Variants in ATP8B4 observed in about 807,000 individuals in gnomAD.
The protein encoded by ATP8B4 is ATPase phospholipid transporting 8B4 (putative), also known as probable phospholipid-transporting ATPase IM.
ATP8B4 carries 133 observed loss-of-function variants against 145.6 expected under a neutral mutation model. That is an observed-to-expected ratio of 0.91 (90% confidence interval 0.79 to 1.05). The LOEUF is 1.05. ATP8B4 is among the 50% of genes least tolerant of loss of function. ATP8B4 has a pLI of 0.00. For synonymous variants in ATP8B4, 507 were observed against 492.9 expected (o/e 1.03, Z -0.38); for missense variants, 1,458 against 1,425.2 (o/e 1.02, Z -0.37).
chr15:50,128,620 T>TA (rs1412684785), intron 1 of ATP8B4, among the ~76,000 whole-genome samples: 2 of 152,020 alleles, frequency 1.3e-5, no homozygotes, highest in Non-Finnish European at 2.9e-5. Context: ...CCAAAGGCCC[T>TA]AAAAAAGACT....
chr15:50,048,666 C>G (rs971677899), intron 3 of ATP8B4, among the ~76,000 whole-genome samples: 1 of 151,410 alleles, frequency 6.6e-6, no homozygotes, highest in African/African-American at 2.4e-5. Flanking sequence ...CGGAATTGCA[C>G]CACTGCACTC....
chr15:50,046,286 T>C (rs1289614360), intron 4 of ATP8B4, among the ~76,000 whole-genome samples: 2 of 151,792 alleles, frequency 1.3e-5, no homozygotes, highest in African/African-American at 4.8e-5. Context: ...TTTCTCTCTC[T>C]CCCCCTCCCC....
chr15:50,024,984 TCTC>T (rs2049894480), intron 6 of ATP8B4, among the ~76,000 whole-genome samples: 1 of 152,126 alleles, frequency 6.6e-6, no homozygotes, highest in Admixed American at 6.6e-5. Flanking sequence ...TATGAATACT[TCTC>T]CTTGCCCCAT....
intron 1 of ATP8B4, among the ~76,000 whole-genome samples, chr15:50,170,038 T>A (rs992812733): frequency 1.3e-5 from 2 of 152,046 alleles, no homozygotes; most frequent in African/African-American, 2.4e-5. Flanking sequence ...TTATGTTAAA[T>A]GACCAAACCT....
intron 11 of ATP8B4, 87 bp downstream of exon 11, chr15:49,981,119 G>A: frequency 8.7e-7 from 1 of 1,150,940 alleles, no homozygotes; most frequent in Non-Finnish European, 1.3e-6. Context: ...CAAGGAGAAT[G>A]TAGGCTTCTT....
chr15:50,105,561 G>T (rs1419262074), intron 2 of ATP8B4, among the ~76,000 whole-genome samples: 3 of 152,024 alleles, frequency 2.0e-5, no homozygotes, highest in African/African-American at 7.2e-5. Context: ...ATAATGTACA[G>T]GATAATTCCA....
At chr15:49,974,822 C>A (rs138694155) in intron 12 of ATP8B4, among the ~76,000 whole-genome samples, 92 of 152,260 alleles carry the variant, frequency 6.0e-4, no homozygotes, top group African/African-American at 2.1e-3. Context: ...GTTGAACAAT[C>A]AATCCTTTCT....
At chr15:49,903,395 C>T (rs1243301670) in intron 20 of ATP8B4, among the ~76,000 whole-genome samples, 1 of 152,186 alleles carries the variant, frequency 6.6e-6, no homozygotes, top group African/African-American at 2.4e-5. Flanking sequence ...TAATGAAGGG[C>T]AGTTTATTAC....
chr15:50,078,211 C>T (rs2054309455), intron 2 of ATP8B4, among the ~76,000 whole-genome samples: 1 of 150,426 alleles, frequency 6.6e-6, no homozygotes, highest in African/African-American at 2.5e-5. Context: ...CACTGCATAC[C>T]ACTCTGTCAC....
At chr15:49,964,691 G>C (rs8029348) in intron 13 of ATP8B4, among the ~76,000 whole-genome samples, 4,828 of 152,116 alleles carry the variant, frequency 0.032, 264 homozygotes, top group African/African-American at 0.11. Flanking sequence ...TGCATTTCAC[G>C]AGAGGAATTA....
At chr15:50,114,103 C>CTTGTTTTTTTTT (rs2057080609) in intron 1 of ATP8B4, among the ~76,000 whole-genome samples, 1 of 55,644 alleles carries the variant, frequency 1.8e-5, no homozygotes, top group Non-Finnish European at 3.1e-5. Context: ...CTCCTAGTTT[C>CTTGTTTTTTTTT]TTTTTTTTTT....
At chr15:50,033,534 C>A (rs571986306) in intron 6 of ATP8B4, among the ~76,000 whole-genome samples, 2 of 152,266 alleles carry the variant, frequency 1.3e-5, no homozygotes, top group South Asian at 4.1e-4. Context: ...ATGTGAAAAA[C>A]TATGCTTACC....
intron 25 of ATP8B4, among the ~76,000 whole-genome samples, chr15:49,870,475 A>G (rs1171725624): frequency 1.3e-5 from 2 of 152,232 alleles, no homozygotes; most frequent in African/African-American, 4.8e-5. Flanking sequence ...TTTTAAAAAA[A>G]CAATAGAGAC....
At chr15:50,054,176 C>A (rs1013540261) in intron 3 of ATP8B4, among the ~76,000 whole-genome samples, 1 of 152,152 alleles carries the variant, frequency 6.6e-6, no homozygotes, top group African/African-American at 2.4e-5. Context: ...ACAGCTTAAC[C>A]CAGTAAGAGT....
intron 23 of ATP8B4, among the ~76,000 whole-genome samples, chr15:49,888,105 A>G (rs1243530803): frequency 1.3e-5 from 2 of 152,230 alleles, no homozygotes; most frequent in Admixed American, 1.3e-4. Flanking sequence ...TGAGGTGCTC[A>G]GCCTCAGCAC....
At chr15:50,033,685 G>T (rs1022315591) in intron 6 of ATP8B4, among the ~76,000 whole-genome samples, 2 of 152,104 alleles carry the variant, frequency 1.3e-5, no homozygotes, top group African/African-American at 2.4e-5. Flanking sequence ...GTACTCAATA[G>T]GTAGTTTTCC....
chr15:49,887,423 C>T (rs2036322972), intron 23 of ATP8B4, among the ~76,000 whole-genome samples: 1 of 147,510 alleles, frequency 6.8e-6, no homozygotes, highest in South Asian at 2.3e-4. Context: ...GGGATGATGA[C>T]TCTTTTCAGA....
At chr15:49,878,749 C>A (rs570942640) in intron 24 of ATP8B4, among the ~76,000 whole-genome samples, 3 of 152,306 alleles carry the variant, frequency 2.0e-5, no homozygotes, top group Middle Eastern at 3.4e-3. Flanking sequence ...AATCCATGCT[C>A]TTTCTTTCCT....
chr15:50,088,168 A>C (rs533399678), intron 2 of ATP8B4, among the ~76,000 whole-genome samples: 51 of 152,122 alleles, frequency 3.4e-4, no homozygotes, highest in Non-Finnish European at 6.6e-4. Context: ...CGGGTGGATC[A>C]CCTGAGCAGA....
Sources: gnomAD v4.1 joint callset for allele counts (sites outside exome capture counted in the v4.1 genomes callset) on GRCh38, gnomAD v4.1.1 for gene constraint, MANE v1.5 for transcripts, NCBI Gene and HGNC (gene_info 2026-07-23, HGNC 2026-07-21) for gene names.